BCAS2: variants seen among roughly 807,000 people sequenced by gnomAD.
The protein encoded by BCAS2 is BCAS2 pre-mRNA processing factor, also known as pre-mRNA-splicing factor SPF27.
BCAS2 carries 34 observed loss-of-function variants against 35.3 expected under a neutral mutation model. That is an observed-to-expected ratio of 0.96 (90% CI 0.73 to 1.28). BCAS2 has a LOEUF of 1.28. Ranked by LOEUF, BCAS2 falls within the 50% of genes most tolerant of loss-of-function variation. The probability of loss-of-function intolerance (pLI) is 0.00; values close to 1 mark genes in which losing one functional copy is unlikely to be tolerated. For synonymous variants in BCAS2, 75 were observed against 91.6 expected, an observed-to-expected ratio of 0.82 and a Z score of 1.03; for missense variants, 221 against 268.1, an observed-to-expected ratio of 0.82 and a Z score of 1.23.
chr1:114,576,457 T>TATTA (rs1390866618), intron 3 of BCAS2, among the ~76,000 whole-genome samples: 1 of 150,242 alleles, frequency 6.7e-6, no homozygotes, highest in Non-Finnish European at 1.5e-5. Context: ...TTATTATTAT[T>TATTA]AATTATTTTT....
intron 6 of BCAS2, among the ~76,000 whole-genome samples, 162 bp downstream of exon 6, chr1:114,569,830 T>C (rs1427800505): frequency 1.3e-5 from 2 of 152,188 alleles, no homozygotes; most frequent in East Asian, 1.9e-4. Flanking sequence ...TAGTTCTCTT[T>C]AACACCTTAT....
intron 4 of BCAS2, among the ~76,000 whole-genome samples, chr1:114,572,213 C>A (rs532480765): frequency 1.3e-5 from 2 of 152,308 alleles, no homozygotes; most frequent in African/African-American, 4.8e-5. Flanking sequence ...GGTTTCCTTG[C>A]ATTAGCTGCA....
chr1:114,578,967 A>G (rs1654828186), intron 2 of BCAS2, among the ~76,000 whole-genome samples: 2 of 152,206 alleles, frequency 1.3e-5, no homozygotes, highest in African/African-American at 4.8e-5. Context: ...AACCCAGTAA[A>G]TATTACCAAC....
intron 4 of BCAS2, among the ~76,000 whole-genome samples, chr1:114,571,483 A>G (rs1654642589): frequency 6.6e-6 from 1 of 151,908 alleles, no homozygotes. Context: ...AGGCCTTCAA[A>G]GTAGCTTGGA....
chr1:114,572,009 A>G (rs1167489625), intron 4 of BCAS2, among the ~76,000 whole-genome samples: 1 of 152,238 alleles, frequency 6.6e-6, no homozygotes, highest in Non-Finnish European at 1.5e-5. Context: ...TTAAGTTTAA[A>G]TAACAACTTT....
At chr1:114,573,110 CG>C (rs1328794775) in intron 4 of BCAS2, among the ~76,000 whole-genome samples, 1 of 33,214 alleles carries the variant, frequency 3.0e-5, no homozygotes, top group African/African-American at 1.3e-4. Flanking sequence ...TCCCGCCCCC[CG>C]CCCCCACCTC....
chr1:114,570,024 T>C lies in BCAS2; in HGVS notation c.519A>G (p.Thr173=), dbSNP rs767448069. The change falls in exon 6 of 7, where the codon ACA becomes ACG. Residue 173 remains threonine (T), a synonymous_variant. Transcript: ENST00000369541. ...CCATTTCTCTCAATTTAGATCCAGC[T>C]GTGAGTTGCATGTTCTTTCTCTGCC... The part of the protein sequence containing the change: ...LNWQRKNMQL[T]AGSKLREMES... 7.4e-6 allele frequency: 12 copies of C among 1,612,040 alleles called. No individual in the cohort carries two copies. In the South Asian group the frequency reaches 1.1e-4, roughly 15 times the overall value.
At chr1:114,573,776 TAA>T in intron 4 of BCAS2, among the ~76,000 whole-genome samples, 1 of 152,238 alleles carries the variant, frequency 6.6e-6, no homozygotes, top group Admixed American at 6.5e-5. Flanking sequence ...TATAGATATA[TAA>T]AAGAAAGTTA....
chr1:114,569,031 C>T (rs1458084023), intron 6 of BCAS2, among the ~76,000 whole-genome samples: 2 of 151,920 alleles, frequency 1.3e-5, no homozygotes, highest in Non-Finnish European at 2.9e-5. Flanking sequence ...TACCAAGGCA[C>T]TAGGATTACA....
rs1182709116 is a variant in BCAS2, at chr1:114,567,846, C to T, written c.*284G>A. ...ATCCTTGGATACAAAATATGGTCCA[C>T]ATGGCTGAAAATTAATTCTATGACA... On this transcript the variant is annotated 3_prime_UTR_variant, in exon 7 of 7. Transcript: ENST00000369541. 7.9e-6 allele frequency: 2 copies of T among 253,904 alleles called. No individual in the cohort carries two copies. The highest frequency in any genetic ancestry group is 2.2e-5 in the African/African-American group (1 of 45,006). 15.7% of individuals were successfully genotyped at this position (253,904 alleles called of 1,614,324 possible). A position where few individuals can be genotyped will look rare whatever the true frequency, so the allele number is the denominator to read the frequency against.
chr1:114,574,606 G>A (rs1033367409), intron 4 of BCAS2, among the ~76,000 whole-genome samples: 5 of 152,184 alleles, frequency 3.3e-5, no homozygotes, highest in Non-Finnish European at 7.3e-5. Context: ...CATAACCCAT[G>A]ACTAATGAGA....
At chr1:114,573,092 A>T (rs900832625) in intron 4 of BCAS2, among the ~76,000 whole-genome samples, 1 of 93,824 alleles carries the variant, frequency 1.1e-5, no homozygotes, top group Non-Finnish European at 2.3e-5. Context: ...CGACAGAGCA[A>T]GATTCTGTCC....
At chr1:114,575,541 GA>G in intron 4 of BCAS2, 48 bp downstream of exon 4, 3 of 1,536,848 alleles carry the variant, frequency 2.0e-6, no homozygotes, top group Middle Eastern at 2.4e-4. Context: ...GAGATGGAAA[GA>G]AAAGAGAAAA....
At chr1:114,573,610 T>C (rs79026243) in intron 4 of BCAS2, among the ~76,000 whole-genome samples, 90 of 152,320 alleles carry the variant, frequency 5.9e-4, no homozygotes, top group African/African-American at 2.0e-3. Context: ...AAATGGACTA[T>C]TGGTTACTTG....
intron 3 of BCAS2, among the ~76,000 whole-genome samples, chr1:114,576,369 C>T (rs1012961272): frequency 2.6e-5 from 4 of 151,340 alleles, no homozygotes; most frequent in African/African-American, 9.7e-5. Flanking sequence ...GTCAAGCGAT[C>T]CACCTACCTC....
rs549748572 is a variant in BCAS2, at chr1:114,579,507, C to A, written c.186+1792G>T. Among the ~76,000 whole-genome samples the A allele has an allele frequency of 3.0e-4, 45 of 152,280 alleles. No homozygotes were observed. In the South Asian group the frequency reaches 9.1e-3, roughly 31 times the overall value. On this transcript the variant is annotated intron_variant, in intron 2 of 6. Transcript: ENST00000369541. ...GTTCTTAATGTGGTTAACATCTACA[C>A]CTAGGTACAAATATTTAGAAAAAGC... is the stretch of plus-strand genomic sequence containing the variant.
intron 2 of BCAS2, among the ~76,000 whole-genome samples, chr1:114,580,699 C>T (rs1654868301): frequency 6.6e-6 from 1 of 151,990 alleles, no homozygotes; most frequent in Non-Finnish European, 1.5e-5. Flanking sequence ...AAAGAAACCC[C>T]ATATATCTCT....
At position 114,567,607 on chromosome 1, in the gene BCAS2, C is replaced by T. The variant is rs528701388; in HGVS notation, c.*523G>A. 3 of 152,380 alleles carry T rather than the reference C, an allele frequency of 2.0e-5. No individual in the cohort carries two copies. The highest frequency in any genetic ancestry group is 7.2e-5 in the African/African-American group (3 of 41,548). The allele number at this position is 152,380 out of a possible 1,614,324, so 9.4% of individuals were successfully genotyped here. A position where few individuals can be genotyped will look rare whatever the true frequency, so the allele number is the denominator to read the frequency against. On this transcript the variant is annotated 3_prime_UTR_variant, in exon 7 of 7. Transcript: ENST00000369541. ...ATTCACATACATCTAGTTCATCTAC[C>T]TAAAGTGTTCAGAACAATGTTCAGC...
At chr1:114,580,416 T>C (rs974003078) in intron 2 of BCAS2, among the ~76,000 whole-genome samples, 6 of 152,194 alleles carry the variant, frequency 3.9e-5, no homozygotes, top group African/African-American at 1.4e-4. Flanking sequence ...TAAAATAGTA[T>C]CATACTCAAT....
Sources: allele counts gnomAD v4.1 joint callset (sites outside exome capture counted in the v4.1 genomes callset), GRCh38; gene constraint gnomAD v4.1.1; transcripts MANE v1.5; gene names NCBI Gene and HGNC (gene_info 2026-07-23, HGNC 2026-07-21).